The following PARD6G variants were observed in gnomAD, a reference collection of about 807,000 sequenced individuals.
PARD6G encodes the protein par-6 family cell polarity regulator gamma, also known as partitioning defective 6 homolog gamma.
PARD6G carries 7 observed loss-of-function variants against 10.7 expected under a neutral mutation model. That is an observed-to-expected ratio of 0.66 (90% CI 0.37 to 1.23). The LOEUF (loss-of-function observed/expected upper bound fraction) is 1.23, where lower values mean the gene tolerates loss of function less well. PARD6G is among the 50% of genes most tolerant of loss of function. The pLI, the probability that PARD6G is intolerant of heterozygous loss-of-function variation, is 0.02. For missense variants in PARD6G, 548 were observed against 571.8 expected (o/e 0.96, Z 0.42); for synonymous variants, 287 against 269.4 (o/e 1.07, Z -0.64).
chr18:80,216,911 T>TA (rs1486784602), intron 1 of PARD6G, among the ~76,000 whole-genome samples: 1 of 152,028 alleles, frequency 6.6e-6, no homozygotes, highest in Non-Finnish European at 1.5e-5. Context: ...CTAAAATCAG[T>TA]AATGGTGAAG....
At chr18:80,160,662 CGGCCGTCA>C in intron 2 of PARD6G, 56 bp from the exon 3 acceptor site, 1 of 1,426,866 alleles carries the variant, frequency 7.0e-7, no homozygotes, top group Non-Finnish European at 9.1e-7. Context: ...CCTGAGCCCT[CGGCCGTCA>C]TACACCTGGC....
Position 80,183,891 on chromosome 18 carries a change from A to T in PARD6G, c.295+18819T>A, listed in dbSNP as rs569735333. ...AGAGCACATGACATACAACGAAACC[A>T]CATGGACAGACACAACCCCGAATGC... On this transcript the variant is annotated intron_variant, in intron 2 of 2. Transcript: ENST00000353265. This position sits in a 1 kb window ranked among gnomAD's most constrained non-coding sequence, Gnocchi z 4.5. The T allele has an allele frequency of 1.6e-4, 25 of 152,446 alleles. No individual in the cohort carries two copies. Among genetic ancestry groups the T allele is most frequent in the African/African-American group, 6.0e-4 (25 of 41,596 alleles). The allele number at this position is 152,446 out of a possible 1,614,324, so 9.4% of individuals were successfully genotyped here.
chr18:80,234,082 A>G (rs1271299140), intron 1 of PARD6G, among the ~76,000 whole-genome samples: 1 of 152,198 alleles, frequency 6.6e-6, no homozygotes, highest in Non-Finnish European at 1.5e-5. Flanking sequence ...ACAGCTCACC[A>G]TGAGTGAAGC....
At chr18:80,196,906 A>G (rs1174106400) in intron 2 of PARD6G, among the ~76,000 whole-genome samples, 3 of 151,042 alleles carry the variant, frequency 2.0e-5, no homozygotes, top group Non-Finnish European at 4.4e-5. Flanking sequence ...AAAAAAAAAA[A>G]AAAAAAAAAA....
chr18:80,173,925 A>C (rs1468013099), intron 2 of PARD6G, among the ~76,000 whole-genome samples: 1 of 152,188 alleles, frequency 6.6e-6, no homozygotes, highest in Admixed American at 6.5e-5. Context: ...AGGTCACAAC[A>C]GGTCACTAAT....
Position 80,181,939 on chromosome 18 carries a change from C to T in PARD6G, c.295+20771G>A, listed in dbSNP as rs549070313. ...TTCAAACAGACCCAGGGCTGCAGCA[C>T]ACAACACGTTTCCAGTGGAGAAGCC... On this transcript the variant is annotated intron_variant, in intron 2 of 2. Transcript: ENST00000353265. This position sits in a 1 kb window ranked among gnomAD's most constrained non-coding sequence, Gnocchi z 7.9. Among the ~76,000 whole-genome samples, 16 of 152,184 alleles carry T rather than the reference C, an allele frequency of 1.1e-4. No individual in the cohort carries two copies. The highest frequency in any genetic ancestry group is 2.1e-4 in the South Asian group (1 of 4,836).
In PARD6G at chr18:80,182,521, A is replaced by G. The variant is rs147255970; in HGVS notation, c.295+20189T>C. 1.7e-3 allele frequency among the ~76,000 whole-genome samples: 265 copies of G among 152,370 alleles called. 1 individual carries two copies. The highest frequency in any genetic ancestry group is 6.2e-3 in the African/African-American group (256 of 41,584). On this transcript the variant is annotated intron_variant, in intron 2 of 2. Coordinates refer to ENST00000353265, the MANE Select transcript of PARD6G (RefSeq NM_032510.4). This position sits in a 1 kb window ranked among gnomAD's most constrained non-coding sequence, Gnocchi z 4.5. ...CATCTTCCCCTGCTTTGACACCTCA[A>G]CTGTGAATGCATTTCCCATAACATC...
Position 80,200,068 on chromosome 18 carries a change from G to A in PARD6G, c.295+2642C>T, listed in dbSNP as rs187071905. On this transcript the variant is annotated intron_variant, in intron 2 of 2. Transcript: ENST00000353265. The surrounding 1 kb of genome is among the most constrained non-coding windows in gnomAD (Gnocchi z 4.4). ...ACATATATTTAAATAAAATACGTCC[G>A]TGTACAGAAAGTTATTAAGTAAATG... Among the ~76,000 whole-genome samples, 7 of 152,256 alleles carry A rather than the reference G, an allele frequency of 4.6e-5. No individual in the cohort carries two copies. The East Asian group carries it at 9.6e-4, about 21-fold the overall frequency.
At chr18:80,230,194 G>A (rs936461153) in intron 1 of PARD6G, among the ~76,000 whole-genome samples, 5 of 152,216 alleles carry the variant, frequency 3.3e-5, no homozygotes, top group Non-Finnish European at 7.3e-5. Flanking sequence ...AAGCCCAGAC[G>A]CATTCCAGCT....
At chr18:80,186,555 CAT>C (rs1171471811) in intron 2 of PARD6G, among the ~76,000 whole-genome samples, 3 of 152,070 alleles carry the variant, frequency 2.0e-5, no homozygotes, top group Admixed American at 6.6e-5. Flanking sequence ...CCCTCACACA[CAT>C]GCACACACAG....
intron 1 of PARD6G, among the ~76,000 whole-genome samples, chr18:80,205,548 G>A (rs989789490): frequency 6.6e-6 from 1 of 152,178 alleles, no homozygotes; most frequent in East Asian, 1.9e-4. Context: ...CTGTTCTTGT[G>A]ATGGTGAGTG....
At chr18:80,245,770 T>G (rs1401210584) in intron 1 of PARD6G, among the ~76,000 whole-genome samples, 2 of 152,122 alleles carry the variant, frequency 1.3e-5, no homozygotes, top group African/African-American at 4.8e-5. Flanking sequence ...GCTTGTGGGC[T>G]CTTCCCCTCA....
Position 80,159,668 on chromosome 18 carries a change from T to C in PARD6G, c.*103A>G. 2 of 1,312,858 alleles carry C rather than the reference T, an allele frequency of 1.5e-6. No individual in the cohort carries two copies. The highest frequency in any genetic ancestry group is 1.9e-6 in the Non-Finnish European group (2 of 1,028,448). The allele number at this position is 1,312,858 out of a possible 1,614,324, so 81.3% of individuals were successfully genotyped here. A position where few individuals can be genotyped will look rare whatever the true frequency, so the allele number is the denominator to read the frequency against. On this transcript the variant is annotated 3_prime_UTR_variant, in exon 3 of 3. Transcript: ENST00000353265. ...GTTGAAACAAAGAGCAGCGTTGTTT[T>C]TGTGGTCACAAAAACAACAAAAAAT... is the stretch of plus-strand genomic sequence containing the variant.
chr18:80,214,389 C>T (rs1289396405), intron 1 of PARD6G, among the ~76,000 whole-genome samples: 3 of 152,006 alleles, frequency 2.0e-5, no homozygotes, highest in African/African-American at 7.3e-5. Flanking sequence ...TGGCATGAAC[C>T]CGGGAGGCGG....
At chr18:80,186,957 G>A (rs993471998) in intron 2 of PARD6G, among the ~76,000 whole-genome samples, 49 of 152,226 alleles carry the variant, frequency 3.2e-4, no homozygotes, top group African/African-American at 1.2e-3. Flanking sequence ...AAATTAGCCG[G>A]GCGTGGTGGC....
chr18:80,159,910 A>G lies in PARD6G; in HGVS notation c.992T>C (p.Leu331Pro). Reference sequence around the variant, plus strand: ...CAGGTCCCGCTGCAGCCGCTGCGCCAGGCCCGCGCCATTGACCCGGGAGAG... The same window carrying G: ...CAGGTCCCGCTGCAGCCGCTGCGCCGGGCCCGCGCCATTGACCCGGGAGAG... ...GSLSRVNGAG[L>P]AQRLQRDLAL... The change falls in exon 3 of 3, where the codon CTG becomes CCG. Residue 331 changes from leucine (L) to proline (P), a missense_variant. Physicochemically the swap from Leu to Pro is moderately conservative, Grantham distance 98. Around this residue, in one of 2 missense-constraint regions of PARD6G, gnomAD observed 313 missense variants for 279.9 expected, o/e 1.12. Coordinates refer to ENST00000353265, the MANE Select transcript of PARD6G (RefSeq NM_032510.4). 6.6e-7 allele frequency: 1 copy of G among 1,513,184 alleles called. No homozygotes were observed. The highest frequency in any genetic ancestry group is 8.8e-7 in the Non-Finnish European group (1 of 1,137,444). 93.7% of individuals were successfully genotyped at this position (1,513,184 alleles called of 1,614,324 possible).
rs1477616097 is a variant in PARD6G, at chr18:80,247,038, GTCCGATGGCCC to G, written c.72+228_72+238del. ...AGCGGGTCCAGAGTCTGCCCGGACT[GTCCGATGGCCC>G]TCGGCCCTCTGAGCGCCGCGGCTGC... On this transcript the variant is annotated intron_variant, in intron 1 of 2. Transcript: ENST00000353265. The surrounding 1 kb of genome is among the most constrained non-coding windows in gnomAD (Gnocchi z 4.2). Among the ~76,000 whole-genome samples the G allele has an allele frequency of 6.6e-6, 1 of 152,160 alleles. No homozygotes were observed. The highest frequency in any genetic ancestry group is 1.5e-5 in the Non-Finnish European group (1 of 68,020).
intron 2 of PARD6G, among the ~76,000 whole-genome samples, chr18:80,199,132 T>C (rs1329223908): frequency 6.6e-6 from 1 of 152,236 alleles, no homozygotes. Context: ...AAAGTTGACA[T>C]GGTCACTGAA....
rs536875451 is a variant in PARD6G, at chr18:80,190,384, C to T, written c.295+12326G>A. 3.3e-5 allele frequency among the ~76,000 whole-genome samples: 5 copies of T among 152,308 alleles called. No homozygotes were observed. The South Asian group carries it at 1.0e-3, about 32-fold the overall frequency. On this transcript the variant is annotated intron_variant, in intron 2 of 2. Coordinates refer to ENST00000353265, the MANE Select transcript of PARD6G (RefSeq NM_032510.4). Reference sequence around the variant, plus strand: ...AGGCCTGAGAGGGCTTCTGTGTACACTGCCTCTCGTCCAGAGTCTGTTCCC... The same window carrying T: ...AGGCCTGAGAGGGCTTCTGTGTACATTGCCTCTCGTCCAGAGTCTGTTCCC...
Sources: gnomAD v4.1 joint callset for allele counts (sites outside exome capture counted in the v4.1 genomes callset) on GRCh38, gnomAD v4.1.1 for gene constraint, gnomAD v4.1.1 regional missense constraint, Gnocchi (gnomAD v3.1) non-coding constraint, MANE v1.5 for transcripts, NCBI Gene and HGNC (gene_info 2026-07-23, HGNC 2026-07-21) for gene names.